Variants in EYS observed in about 807,000 individuals in gnomAD.
The protein encoded by EYS is protein eyes shut homolog.
A neutral mutation model predicts 282.1 loss-of-function variants in EYS; 250 were observed. That is an observed-to-expected ratio of 0.89 (90% CI 0.80 to 0.98). EYS has a LOEUF of 0.98. Among genes scored for constraint, EYS ranks in the 50% least tolerant of loss-of-function variants. EYS has a pLI of 0.00. For missense variants in EYS, 4,016 were observed against 3,709.0 expected, an observed-to-expected ratio of 1.08 and a Z score of -2.15; for synonymous variants, 1,355 against 1,282.9, an observed-to-expected ratio of 1.06 and a Z score of -1.20.
chr6:65,438,997 T>C (rs1269626314), intron 5 of EYS, among the ~76,000 whole-genome samples: 2 of 152,178 alleles, frequency 1.3e-5, no homozygotes, highest in African/African-American at 4.8e-5. Flanking sequence ...GGTCTAACAT[T>C]TAAGTCTTTA....
chr6:64,514,707 A>G (rs2150521508), intron 26 of EYS, among the ~76,000 whole-genome samples: 1 of 151,892 alleles, frequency 6.6e-6, no homozygotes, highest in Middle Eastern at 3.4e-3. Flanking sequence ...TCTGTGAGCA[A>G]CTGTTTACCA....
At chr6:64,198,387 C>A (rs1159662056) in intron 31 of EYS, among the ~76,000 whole-genome samples, 1 of 152,050 alleles carries the variant, frequency 6.6e-6, no homozygotes, top group Non-Finnish European at 1.5e-5. Context: ...TATACATGTG[C>A]CATGGTGGTT....
chr6:64,396,792 A>G (rs1378653496), intron 28 of EYS, among the ~76,000 whole-genome samples: 1 of 152,064 alleles, frequency 6.6e-6, no homozygotes, highest in Non-Finnish European at 1.5e-5. Flanking sequence ...TCTTTGTACC[A>G]ATATATCAAT....
At chr6:65,348,468 T>C (rs1480360779) in intron 9 of EYS, among the ~76,000 whole-genome samples, 2 of 151,712 alleles carry the variant, frequency 1.3e-5, no homozygotes, top group African/African-American at 2.4e-5. Flanking sequence ...ATCTGATGAC[T>C]AATAATGTTG....
chr6:64,655,293 T>G (rs1486872717), intron 22 of EYS, among the ~76,000 whole-genome samples: 1 of 152,148 alleles, frequency 6.6e-6, no homozygotes, highest in Non-Finnish European at 1.5e-5. Flanking sequence ...CCGTGAAATA[T>G]TTTTTATTTT....
chr6:63,810,202 A>T (rs1260353269), intron 36 of EYS, among the ~76,000 whole-genome samples: 1 of 147,110 alleles, frequency 6.8e-6, no homozygotes, highest in Non-Finnish European at 1.5e-5. Context: ...CGGAGGTTGC[A>T]GTGAGCCGAG....
At chr6:65,176,118 G>T (rs1001471351) in intron 12 of EYS, among the ~76,000 whole-genome samples, 1 of 151,354 alleles carries the variant, frequency 6.6e-6, no homozygotes, top group East Asian at 2.0e-4. Flanking sequence ...TATTTTCTTA[G>T]GACATTTTAA....
At chr6:64,547,251 C>G (rs1041627567) in intron 26 of EYS, among the ~76,000 whole-genome samples, 6 of 152,132 alleles carry the variant, frequency 3.9e-5, no homozygotes, top group African/African-American at 1.4e-4. Context: ...ACTGCTGGCT[C>G]TGGCAGACTG....
intron 22 of EYS, among the ~76,000 whole-genome samples, chr6:64,812,355 TAATA>T (rs2150015396): frequency 6.6e-6 from 1 of 152,016 alleles, no homozygotes; most frequent in East Asian, 1.9e-4. Flanking sequence ...TATGTCGTAA[TAATA>T]AATAAACATT....
At chr6:65,302,652 GCTGTTTT>G in intron 11 of EYS, 1 of 1,314,676 alleles carries the variant, frequency 7.6e-7, no homozygotes, top group Non-Finnish European at 1.1e-6. Flanking sequence ...CAAGAAGGGC[GCTGTTTT>G]CGACGGGTGT....
intron 29 of EYS, among the ~76,000 whole-genome samples, chr6:64,354,785 T>G (rs1771766968): frequency 6.6e-6 from 1 of 151,582 alleles, no homozygotes; most frequent in Admixed American, 6.6e-5. Flanking sequence ...CATATAATGA[T>G]ACAAATAATA....
At chr6:65,258,964 C>A (rs1464214692) in intron 12 of EYS, among the ~76,000 whole-genome samples, 1 of 151,880 alleles carries the variant, frequency 6.6e-6, no homozygotes, top group Admixed American at 6.6e-5. Context: ...GAAATGCAAG[C>A]TGGAGGGGAG....
At chr6:64,475,795 G>T (rs1353334425) in intron 26 of EYS, among the ~76,000 whole-genome samples, 1 of 152,072 alleles carries the variant, frequency 6.6e-6, no homozygotes, top group Non-Finnish European at 1.5e-5. Context: ...TTACTGTTGT[G>T]ATGTTTTTTA....
At chr6:63,920,789 G>A (rs775119110) in intron 35 of EYS, among the ~76,000 whole-genome samples, 14 of 152,160 alleles carry the variant, frequency 9.2e-5, no homozygotes, top group Non-Finnish European at 1.8e-4. Flanking sequence ...AGGACAGGCC[G>A]TGTGGCTGTG....
intron 26 of EYS, among the ~76,000 whole-genome samples, chr6:64,496,678 A>G (rs978772679): frequency 1.3e-5 from 2 of 152,010 alleles, no homozygotes; most frequent in East Asian, 3.9e-4. Flanking sequence ...GATATCTATT[A>G]TTCTTTTTGT....
intron 26 of EYS, among the ~76,000 whole-genome samples, chr6:64,509,955 T>A (rs1777332184): frequency 6.6e-6 from 1 of 152,156 alleles, no homozygotes; most frequent in Non-Finnish European, 1.5e-5. Context: ...CAATAAATAT[T>A]GGGAATCAAT....
At chr6:65,083,838 G>T (rs535778587) in intron 12 of EYS, among the ~76,000 whole-genome samples, 42 of 151,502 alleles carry the variant, frequency 2.8e-4, no homozygotes, top group Non-Finnish European at 3.8e-4. Flanking sequence ...TACTATATTT[G>T]ATTTTCCTAG....
At chr6:64,010,940 C>G (rs1284507875) in intron 33 of EYS, among the ~76,000 whole-genome samples, 5 of 151,900 alleles carry the variant, frequency 3.3e-5, no homozygotes, top group Admixed American at 2.6e-4. Context: ...CAGATGGCAG[C>G]CTTTCTCTTT....
rs185551694 is a variant in EYS at position 65,364,790 on chromosome 6, C to T, written c.1300-11173G>A. Among the ~76,000 whole-genome samples, 264 of 151,574 alleles carry T rather than the reference C, an allele frequency of 1.7e-3. 1 individual carries two copies. The highest frequency in any genetic ancestry group is 1.5e-3 in the Non-Finnish European group (103 of 67,890). ...ACATGTATTAAAAACAAGTACTTGG[C>T]CAATTAGAATATTATGGAGTTAGAA... On this transcript the variant is annotated intron_variant, in intron 8 of 42. Transcript: ENST00000503581.
Sources: allele counts gnomAD v4.1 joint callset (sites outside exome capture counted in the v4.1 genomes callset), GRCh38; gene constraint gnomAD v4.1.1; transcripts MANE v1.5; gene names NCBI Gene and HGNC (gene_info 2026-07-23, HGNC 2026-07-21).